Variants in INSR observed in about 807,000 individuals in gnomAD.
The protein encoded by INSR is insulin receptor.
In INSR, 67 loss-of-function variants were observed where a neutral mutation model predicts 142.6. The observed-to-expected ratio is 0.47, with a 90% CI of 0.39 to 0.58. INSR has a LOEUF of 0.58. Among genes scored for constraint, INSR ranks in the 20% least tolerant of loss-of-function variants. INSR has a pLI of 0.00. For missense variants in INSR, 1,248 were observed against 1,833.2 expected, an observed-to-expected ratio of 0.68 and a Z score of 5.83; for synonymous variants, 756 against 743.1, an observed-to-expected ratio of 1.02 and a Z score of -0.28.
rs1476255680 is a variant in INSR at position 7,166,477 on chromosome 19, T to C, written c.1611-73A>G. On this transcript the variant is annotated intron_variant, in intron 7 of 21. Coordinates refer to ENST00000302850, the MANE Select transcript of INSR (RefSeq NM_000208.4). The surrounding 1 kb of genome is among the most constrained non-coding windows in gnomAD (Gnocchi z 4.1). The stretch of plus-strand genomic sequence containing the variant: ...CACTGAGTGCCGTGCAGATGAGGCC[T>C]GGGAAGTTACATCCCATAGGGTCAC... The C allele has an allele frequency of 5.2e-6, 8 of 1,548,856 alleles. No homozygotes were observed. Among genetic ancestry groups the C allele is most frequent in the Non-Finnish European group, 6.2e-6 (7 of 1,136,278 alleles).
chr19:7,204,701 G>A (rs575227436), intron 2 of INSR, among the ~76,000 whole-genome samples: 1 of 114,448 alleles, frequency 8.7e-6, no homozygotes, highest in South Asian at 2.6e-4. Context: ...CTGAGCCCTG[G>A]CACCTATGCG....
At chr19:7,143,491 T>A (rs1973122601) in intron 11 of INSR, among the ~76,000 whole-genome samples, 1 of 152,208 alleles carries the variant, frequency 6.6e-6, no homozygotes, top group Non-Finnish European at 1.5e-5. Flanking sequence ...CAAATGGCAT[T>A]TGCTCATTGG....
intron 1 of INSR, among the ~76,000 whole-genome samples, chr19:7,293,037 T>G (rs1012075309): frequency 3.3e-5 from 5 of 152,122 alleles, no homozygotes; most frequent in African/African-American, 1.2e-4. Flanking sequence ...AGTTTACTCC[T>G]CTGTGAAATG....
At chr19:7,164,546 G>A (rs1973843196) in intron 8 of INSR, among the ~76,000 whole-genome samples, 1 of 149,796 alleles carries the variant, frequency 6.7e-6, no homozygotes, top group African/African-American at 2.5e-5. Context: ...GGCTGGGCGC[G>A]GTGGCTCATG....
chr19:7,183,418 T>C (rs1381717897), intron 3 of INSR, among the ~76,000 whole-genome samples: 2 of 152,100 alleles, frequency 1.3e-5, no homozygotes, highest in Non-Finnish European at 2.9e-5. Context: ...GTCTGCGATG[T>C]GCGTAGGAAA....
Position 7,118,926 on chromosome 19 carries a change from A to G in INSR, c.3794+523T>C, listed in dbSNP as rs1267508672. Among the ~76,000 whole-genome samples the G allele has an allele frequency of 2.9e-4, 44 of 151,352 alleles. No individual in the cohort carries two copies. The East Asian group carries it at 8.6e-3, about 29-fold the overall frequency. ...CAAGATTCCGTCTCAAAAAAAAAAA[A>G]AAAAAAAAAAAAATTAACAGGCAAA... On this transcript the variant is annotated intron_variant, in intron 21 of 21. Transcript: ENST00000302850.
chr19:7,168,115 G>A lies in INSR; in HGVS notation c.1484-21C>T, dbSNP rs757567321. The A allele has an allele frequency of 3.7e-6, 6 of 1,613,010 alleles. No homozygotes were observed. Among genetic ancestry groups the A allele is most frequent in the South Asian group, 2.2e-5 (2 of 90,970 alleles). On this transcript the variant is annotated intron_variant, in intron 6 of 21. Coordinates refer to ENST00000302850, the MANE Select transcript of INSR (RefSeq NM_000208.4). This position sits in a 1 kb window ranked among gnomAD's most constrained non-coding sequence, Gnocchi z 4.3. ...TTCACCTGGAAAAGTTAAAACAAAA[G>A]GCAAAAATGAGCTATTTCAGTGTAG...
rs769622190 is a variant in INSR, at chr19:7,126,761, C to T, written c.2946-110G>A. On this transcript the variant is annotated intron_variant, in intron 15 of 21. Coordinates refer to ENST00000302850, the MANE Select transcript of INSR (RefSeq NM_000208.4). ...AATGGCAGCCCTTACCAGCAGAATC[C>T]CCATAATCCTAGATGCAGTCTAGGG... The T allele has an allele frequency of 8.3e-5, 81 of 978,340 alleles. 1 individual carries two copies. Among genetic ancestry groups the T allele is most frequent in the Non-Finnish European group, 1.2e-4 (77 of 626,686 alleles). The allele number at this position is 978,340 out of a possible 1,614,324, so 60.6% of individuals were successfully genotyped here.
intron 9 of INSR, among the ~76,000 whole-genome samples, chr19:7,154,837 T>C (rs554074597): frequency 6.6e-6 from 1 of 151,714 alleles, no homozygotes; most frequent in Admixed American, 6.6e-5. Context: ...GGCAGGAGGA[T>C]TGTTTGAACC....
At chr19:7,224,178 G>A (rs1002823954) in intron 2 of INSR, among the ~76,000 whole-genome samples, 3 of 151,286 alleles carry the variant, frequency 2.0e-5, no homozygotes, top group East Asian at 1.9e-4. Context: ...TCTTGACCTC[G>A]TGATCCGCCT....
chr19:7,141,807 T>C lies in INSR; in HGVS notation c.2552A>G (p.Asp851Gly). 1 of 1,614,130 alleles carries C rather than the reference T, an allele frequency of 6.2e-7. No homozygotes were observed. The highest frequency in any genetic ancestry group is 8.5e-7 in the Non-Finnish European group (1 of 1,179,968). The change falls in exon 13 of 22, where the codon GAT becomes GGT. Residue 851 changes from aspartate to glycine, a missense_variant. Physicochemically the swap from Asp to Gly is moderately conservative, Grantham distance 94. This residue lies in a region of INSR where 1,069 missense variants were observed against 1,654.0 expected (regional missense o/e 0.65). Coordinates refer to ENST00000302850, the MANE Select transcript of INSR (RefSeq NM_000208.4). ...ATGCGTCACAGGGCCAACAATGTCATCAGCCTTGGCTGTAAGGAGAGGAAG... is the reference window on the plus strand; with the variant it reads ...ATGCGTCACAGGGCCAACAATGTCACCAGCCTTGGCTGTAAGGAGAGGAAG... ...SARTMPEAKA[D>G]DIVGPVTHEI...
intron 2 of INSR, among the ~76,000 whole-genome samples, chr19:7,197,337 T>TGAGC (rs397716749): frequency 1.3e-5 from 2 of 151,690 alleles, no homozygotes; most frequent in Non-Finnish European, 2.9e-5. Context: ...AGTGAGTGAG[T>TGAGC]AAGCGAGTGA....
intron 19 of INSR, 144 bp downstream of exon 19, chr19:7,122,470 C>CAA: frequency 1.1e-6 from 1 of 901,778 alleles, no homozygotes; most frequent in Non-Finnish European, 1.7e-6. Context: ...CAAAACAAAA[C>CAA]AAAAAAAACC....
At chr19:7,234,798 G>C (rs1463997103) in intron 2 of INSR, among the ~76,000 whole-genome samples, 1 of 152,120 alleles carries the variant, frequency 6.6e-6, no homozygotes, top group Non-Finnish European at 1.5e-5. Flanking sequence ...AGTGGCTCAT[G>C]CCTGTAATCC....
chr19:7,143,203 T>A, intron 11 of INSR, 113 bp from the exon 12 acceptor site: 1 of 1,181,222 alleles, frequency 8.5e-7, no homozygotes, highest in Non-Finnish European at 1.2e-6. Context: ...CGCAGGAGGG[T>A]GCAGCAATGG....
chr19:7,158,509 A>AAAAAG (rs923799862), intron 9 of INSR, among the ~76,000 whole-genome samples: 3 of 152,124 alleles, frequency 2.0e-5, no homozygotes, highest in Non-Finnish European at 4.4e-5. Flanking sequence ...TCAAAAAAAT[A>AAAAAG]AAAAGAAAAG....
At chr19:7,232,359 G>A (rs1244792292) in intron 2 of INSR, among the ~76,000 whole-genome samples, 2 of 152,020 alleles carry the variant, frequency 1.3e-5, no homozygotes, top group East Asian at 1.9e-4. Context: ...TTACAGGAAC[G>A]CACCATCACG....
intron 2 of INSR, among the ~76,000 whole-genome samples, chr19:7,246,175 C>A (rs180827285): frequency 3.4e-4 from 52 of 152,244 alleles, no homozygotes; most frequent in Admixed American, 3.0e-3. Context: ...AACAGGGCCA[C>A]AAATTCTTCC....
At chr19:7,172,214 A>G in intron 5 of INSR, 76 bp downstream of exon 5, 1 of 1,576,766 alleles carries the variant, frequency 6.3e-7, no homozygotes, top group African/African-American at 1.3e-5. Flanking sequence ...ACCTGGCCAA[A>G]AAAATCCTTA....
Sources: allele counts gnomAD v4.1 joint callset (sites outside exome capture counted in the v4.1 genomes callset), GRCh38; gene constraint gnomAD v4.1.1; regional missense constraint gnomAD v4.1.1; non-coding constraint Gnocchi (gnomAD v3.1); transcripts MANE v1.5; gene names NCBI Gene and HGNC (gene_info 2026-07-23, HGNC 2026-07-21).